FBXO40: variants seen among roughly 807,000 people sequenced by gnomAD.
The protein encoded by FBXO40 is F-box only protein 40.
A neutral mutation model predicts 49.9 loss-of-function variants in FBXO40; 50 were observed. The ratio of observed to expected loss-of-function variants is 1.00; its 90% CI spans 0.80 to 1.27. The LOEUF (loss-of-function observed/expected upper bound fraction) is 1.27. FBXO40 is among the 50% of genes most tolerant of loss of function. The pLI is 0.00. For missense variants in FBXO40, 895 were observed against 870.1 expected (o/e 1.03, Z -0.36); for synonymous variants, 340 against 320.2 (o/e 1.06, Z -0.66).
In FBXO40 at chr3:121,629,608, T is replaced by G. The variant is rs1291597525; in HGVS notation, c.*2698T>G. The stretch of plus-strand genomic sequence containing the variant: ...CTTTCCCTTCCCAAACTGGGTGAGC[T>G]GGGGAAGCCTTGGTTCAGGAGAGTG... On this transcript the variant is annotated 3_prime_UTR_variant, in exon 4 of 4. Coordinates refer to ENST00000338040, the MANE Select transcript of FBXO40 (RefSeq NM_016298.4). 1 of 152,152 alleles carries G rather than the reference T, an allele frequency of 6.6e-6. No homozygotes were observed. The highest frequency in any genetic ancestry group is 1.5e-5 in the Non-Finnish European group (1 of 68,018). 9.4% of individuals were successfully genotyped at this position (152,152 alleles called of 1,614,324 possible).
intron 1 of FBXO40, among the ~76,000 whole-genome samples, chr3:121,618,674 G>C (rs2049012702): frequency 6.6e-6 from 1 of 151,838 alleles, no homozygotes; most frequent in Non-Finnish European, 1.5e-5. Context: ...GGGGTTATAG[G>C]CTTGAGCCAC....
At chr3:121,617,760 G>C (rs1396922870) in intron 1 of FBXO40, among the ~76,000 whole-genome samples, 1 of 152,142 alleles carries the variant, frequency 6.6e-6, no homozygotes, top group Non-Finnish European at 1.5e-5. Flanking sequence ...AGCACTTTTG[G>C]AGGCCGAGGC....
intron 1 of FBXO40, among the ~76,000 whole-genome samples, chr3:121,614,441 CAAA>C (rs536949533): frequency 7.2e-6 from 1 of 139,798 alleles, no homozygotes; most frequent in Non-Finnish European, 1.6e-5. Flanking sequence ...GACTCTGTCT[CAAA>C]AAAAAAAAGA....
At chr3:121,608,913 A>G (rs1365129474) in intron 1 of FBXO40, among the ~76,000 whole-genome samples, 1 of 152,186 alleles carries the variant, frequency 6.6e-6, no homozygotes, top group Admixed American at 6.5e-5. Context: ...GGGGATTCCT[A>G]AGGCTGGAGC....
chr3:121,602,681 C>A (rs1033039857), intron 1 of FBXO40, among the ~76,000 whole-genome samples: 25 of 152,214 alleles, frequency 1.6e-4, no homozygotes, highest in African/African-American at 5.5e-4. Context: ...TACTTAACAC[C>A]CCAATTACAG....
At position 121,627,497 on chromosome 3, in the gene FBXO40, G is replaced by T. The variant is rs1315552288; in HGVS notation, c.*587G>T. Reference sequence around the variant, plus strand: ...CTGACATAGGAGAGCCCCTGGCTGAGCATGGCAGCCTTGAAGACACCACAG... The same window carrying T: ...CTGACATAGGAGAGCCCCTGGCTGATCATGGCAGCCTTGAAGACACCACAG... On this transcript the variant is annotated 3_prime_UTR_variant, in exon 4 of 4. Coordinates refer to ENST00000338040, the MANE Select transcript of FBXO40 (RefSeq NM_016298.4). The T allele has an allele frequency of 1.0e-5, 2 of 191,910 alleles. No homozygotes were observed. Among genetic ancestry groups the T allele is most frequent in the Non-Finnish European group, 2.1e-5 (2 of 95,002 alleles). The allele number at this position is 191,910 out of a possible 1,614,324, so 11.9% of individuals were successfully genotyped here.
intron 1 of FBXO40, among the ~76,000 whole-genome samples, chr3:121,613,786 C>T (rs1157835089): frequency 6.6e-6 from 1 of 152,158 alleles, no homozygotes; most frequent in Admixed American, 6.5e-5. Flanking sequence ...TTTCCAGTGT[C>T]CCTCAGACAA....
chr3:121,594,775 C>T (rs1245912221), intron 1 of FBXO40, among the ~76,000 whole-genome samples: 1 of 152,110 alleles, frequency 6.6e-6, no homozygotes, highest in Non-Finnish European at 1.5e-5. Context: ...AAATATTTCT[C>T]AAGTTGAAAA....
rs987704683 is a variant in FBXO40 at position 121,628,279 on chromosome 3, C to A, written c.*1369C>A. On this transcript the variant is annotated 3_prime_UTR_variant, in exon 4 of 4. Coordinates refer to ENST00000338040, the MANE Select transcript of FBXO40 (RefSeq NM_016298.4). The stretch of plus-strand genomic sequence containing the variant: ...GCAACCTCCGCCTCCTGGGTTCAAG[C>A]GATTCTCCTGCCTCAGCCTCCCGAG... The A allele has an allele frequency of 1.8e-5, 3 of 165,848 alleles. No homozygotes were observed. Among genetic ancestry groups the A allele is most frequent in the African/African-American group, 7.1e-5 (3 of 42,048 alleles). The allele number at this position is 165,848 out of a possible 1,614,324, so 10.3% of individuals were successfully genotyped here.
In FBXO40 at chr3:121,627,682, A is replaced by T. The variant is rs1451407646; in HGVS notation, c.*772A>T. On this transcript the variant is annotated 3_prime_UTR_variant, in exon 4 of 4. Coordinates refer to ENST00000338040, the MANE Select transcript of FBXO40 (RefSeq NM_016298.4). ...CACCAACTTACTTTGTAACATTTTA[A>T]TAATGACTTAAGGGTCAAGATTTTT... 3 of 396,378 alleles carry T rather than the reference A, an allele frequency of 7.6e-6. No individual in the cohort carries two copies. Among genetic ancestry groups the T allele is most frequent in the Non-Finnish European group, 1.3e-5 (3 of 225,516 alleles). The allele number at this position is 396,378 out of a possible 1,614,324, so 24.6% of individuals were successfully genotyped here.
chr3:121,607,597 C>T (rs1460388545), intron 1 of FBXO40, among the ~76,000 whole-genome samples: 1 of 151,876 alleles, frequency 6.6e-6, no homozygotes, highest in Non-Finnish European at 1.5e-5. Context: ...GCGTGAGCCA[C>T]CGCACCTGGC....
intron 1 of FBXO40, among the ~76,000 whole-genome samples, chr3:121,599,259 G>C (rs72955320): frequency 6.6e-6 from 1 of 151,932 alleles, no homozygotes; most frequent in African/African-American, 2.4e-5. Flanking sequence ...CCTGAGGCCC[G>C]GAGTTTGAGA....
intron 1 of FBXO40, among the ~76,000 whole-genome samples, chr3:121,603,951 C>T (rs7637282): frequency 6.6e-6 from 1 of 152,148 alleles, no homozygotes; most frequent in African/African-American, 2.4e-5. Flanking sequence ...ATCTCTTGAC[C>T]TGGTGATCTG....
At chr3:121,610,979 C>T (rs2048961322) in intron 1 of FBXO40, among the ~76,000 whole-genome samples, 1 of 152,194 alleles carries the variant, frequency 6.6e-6, no homozygotes, top group Admixed American at 6.5e-5. Context: ...GATGTCATGC[C>T]CCTGGTTGCA....
chr3:121,626,747 A>C lies in FBXO40; in HGVS notation c.1967A>C (p.Glu656Ala). ...FSKIKSWEFN[E>A]VTSMSEHLKS... ...AAAATCAAGAGCTGGGAGTTTAATG[A>C]AGTCACCTCCATGTCTGAGCACCTG... Residue 656 changes from glutamate (E) to alanine (A), a missense_variant, in exon 4 of 4, where the codon GAA (glutamate) becomes GCA (alanine). Physicochemically the swap from Glu to Ala is moderately radical, Grantham distance 107. Transcript: ENST00000338040. The C allele has an allele frequency of 3.1e-6, 5 of 1,614,158 alleles. No individual in the cohort carries two copies. Among genetic ancestry groups the C allele is most frequent in the Non-Finnish European group, 4.2e-6 (5 of 1,180,022 alleles).
intron 1 of FBXO40, among the ~76,000 whole-genome samples, chr3:121,595,055 G>A (rs1693074641): frequency 6.6e-6 from 1 of 152,144 alleles, no homozygotes; most frequent in Non-Finnish European, 1.5e-5. Context: ...CAGCAAAAGG[G>A]ATTCTGTACA....
rs142794916 is a variant in FBXO40 at position 121,613,381 on chromosome 3, A to G, written c.-30-7165A>G. On this transcript the variant is annotated intron_variant, in intron 1 of 3. Transcript: ENST00000338040. ...ACCCATGGTCGCCTGAGGCAATGCCACAAGGAACCCAGCGAAGAAAAGATG... is the reference window on the plus strand; with the variant it reads ...ACCCATGGTCGCCTGAGGCAATGCCGCAAGGAACCCAGCGAAGAAAAGATG... Among the ~76,000 whole-genome samples, 9 of 152,306 alleles carry G rather than the reference A, an allele frequency of 5.9e-5. No homozygotes were observed. The East Asian group carries it at 1.7e-3, about 29-fold the overall frequency.
In FBXO40 at chr3:121,622,978, G is replaced by A; in HGVS notation, c.1549G>A (p.Gly517Arg). The change falls in exon 3 of 4, where the codon GGA (glycine) becomes AGA (arginine). Residue 517 changes from glycine to arginine, a missense_variant. Gly to Arg is a moderately radical substitution (Grantham distance 125, BLOSUM62 -2). Transcript: ENST00000338040. ...GCATCGATGCCCCCTCGCCTACTTG[G>A]GATGTACATTTGTTCAAAACCATTT... ...FQHRCPLAYL[G>R]CTFVQNHFRP... The A allele has an allele frequency of 6.2e-7, 1 of 1,614,122 alleles. No homozygotes were observed. Among genetic ancestry groups the A allele is most frequent in the Non-Finnish European group, 8.5e-7 (1 of 1,180,030 alleles).
intron 1 of FBXO40, among the ~76,000 whole-genome samples, chr3:121,599,517 A>G (rs1016615873): frequency 1.3e-5 from 2 of 151,114 alleles, no homozygotes; most frequent in African/African-American, 4.9e-5. Context: ...ATTAAAAGGG[A>G]AATGGCACCT....
Sources: allele counts gnomAD v4.1 joint callset (sites outside exome capture counted in the v4.1 genomes callset), GRCh38; gene constraint gnomAD v4.1.1; transcripts MANE v1.5; gene names NCBI Gene and HGNC (gene_info 2026-07-23, HGNC 2026-07-21).